The following FUT9 variants were observed in gnomAD, a reference collection of about 807,000 sequenced individuals.
The protein encoded by FUT9 is fucosyltransferase 9, also known as 4-galactosyl-N-acetylglucosaminide 3-alpha-L-fucosyltransferase 9.
FUT9 carries 15 observed loss-of-function variants against 29.7 expected under a neutral mutation model. That is an observed-to-expected ratio of 0.51 (90% confidence interval 0.34 to 0.78). The LOEUF (loss-of-function observed/expected upper bound fraction) is 0.78. Among genes scored for constraint, FUT9 ranks in the 30% least tolerant of loss-of-function variants. The pLI is 0.01. For synonymous variants in FUT9, 169 were observed against 153.7 expected (o/e 1.10, Z -0.74); for missense variants, 319 against 425.4 (o/e 0.75, Z 2.20).
rs562364264 is a variant in FUT9, at chr6:96,039,477, C to A, written c.-98+23265C>A. Among the ~76,000 whole-genome samples, 5 of 152,094 alleles carry A rather than the reference C, an allele frequency of 3.3e-5. No individual in the cohort carries two copies. The South Asian group carries it at 8.3e-4, about 25-fold the overall frequency. ...TTTGTCTTCGTTTTACACTGTGCAC[C>A]CGCTATCTCATTTTTCTTCATTCTG... On this transcript the variant is annotated intron_variant, in intron 1 of 2. Coordinates refer to ENST00000302103, the MANE Select transcript of FUT9 (RefSeq NM_006581.4).
intron 1 of FUT9, among the ~76,000 whole-genome samples, chr6:96,084,055 T>C (rs952739240): frequency 1.3e-5 from 2 of 152,096 alleles, no homozygotes; most frequent in African/African-American, 2.4e-5. Context: ...ATTGAGTAGA[T>C]ATTTAGTTGA....
chr6:96,033,109 T>G (rs1770292602), intron 1 of FUT9, among the ~76,000 whole-genome samples: 1 of 151,532 alleles, frequency 6.6e-6, no homozygotes, highest in South Asian at 2.1e-4. Context: ...GTATAATTAA[T>G]TACACCTTAT....
At chr6:96,120,393 C>T (rs1772002856) in intron 2 of FUT9, among the ~76,000 whole-genome samples, 1 of 150,204 alleles carries the variant, frequency 6.7e-6, no homozygotes. Flanking sequence ...GCCTCAGCAC[C>T]CCCAGTAGCT....
intron 1 of FUT9, among the ~76,000 whole-genome samples, chr6:96,062,632 A>C (rs1770896076): frequency 6.6e-6 from 1 of 152,176 alleles, no homozygotes; most frequent in Non-Finnish European, 1.5e-5. Context: ...GGAGGATAGG[A>C]TGGAGAGAGG....
intron 1 of FUT9, among the ~76,000 whole-genome samples, chr6:96,072,769 G>A (rs1414225801): frequency 6.6e-6 from 1 of 152,142 alleles, no homozygotes; most frequent in African/African-American, 2.4e-5. Flanking sequence ...TTTAACTGAA[G>A]TACTTTGATG....
intron 2 of FUT9, among the ~76,000 whole-genome samples, chr6:96,198,224 G>A (rs536326311): frequency 4.4e-4 from 67 of 151,410 alleles, no homozygotes; most frequent in Non-Finnish European, 8.2e-4. Flanking sequence ...CCACTAACTC[G>A]TCATCTAGCA....
At chr6:96,129,595 T>A (rs547643704) in intron 2 of FUT9, among the ~76,000 whole-genome samples, 1 of 152,104 alleles carries the variant, frequency 6.6e-6, no homozygotes, top group East Asian at 1.9e-4. Flanking sequence ...TATACAAATG[T>A]GTATAAAGTT....
chr6:96,041,096 A>G (rs773309206), intron 1 of FUT9, among the ~76,000 whole-genome samples: 4 of 150,170 alleles, frequency 2.7e-5, no homozygotes, highest in Admixed American at 2.0e-4. Context: ...GCCTTTCCCC[A>G]GTTTTTCTCT....
chr6:96,163,790 C>T (rs1772958183), intron 2 of FUT9, among the ~76,000 whole-genome samples: 1 of 152,152 alleles, frequency 6.6e-6, no homozygotes, highest in South Asian at 2.1e-4. Flanking sequence ...TCTTAAGTAG[C>T]TAGGATTACA....
In FUT9 at chr6:96,194,499, A is replaced by G. The variant is rs1464317714; in HGVS notation, c.-8-8649A>G. On this transcript the variant is annotated intron_variant, in intron 2 of 2. Coordinates refer to ENST00000302103, the MANE Select transcript of FUT9 (RefSeq NM_006581.4). ...ATTGATAGACATTTGACCTAGGGAA[A>G]TGGAGAGAAGTCTACTAATATAAGG... 3.9e-5 allele frequency among the ~76,000 whole-genome samples: 6 copies of G among 152,118 alleles called. No individual in the cohort carries two copies. The East Asian group carries it at 1.2e-3, about 29-fold the overall frequency.
intron 2 of FUT9, among the ~76,000 whole-genome samples, chr6:96,167,863 G>T (rs1007767568): frequency 1.3e-5 from 2 of 152,126 alleles, no homozygotes; most frequent in African/African-American, 2.4e-5. Context: ...ATGCTACATG[G>T]AAGCCACTGT....
chr6:96,102,200 G>A lies in FUT9; in HGVS notation c.-97-11839G>A, dbSNP rs146503793. Among the ~76,000 whole-genome samples, 483 of 151,908 alleles carry A rather than the reference G, an allele frequency of 3.2e-3. 4 individuals carry two copies. Among genetic ancestry groups the A allele is most frequent in the Non-Finnish European group, 4.7e-3 (322 of 67,946 alleles). On this transcript the variant is annotated intron_variant, in intron 1 of 2. Coordinates refer to ENST00000302103, the MANE Select transcript of FUT9 (RefSeq NM_006581.4). ...TGTTTATTTCTTAAAAATTATGTGC[G>A]CTAATGTAAATGTTCATATGTAGAT... is the stretch of plus-strand genomic sequence containing the variant.
chr6:96,169,078 A>G (rs1408091086), intron 2 of FUT9, among the ~76,000 whole-genome samples: 1 of 152,142 alleles, frequency 6.6e-6, no homozygotes, highest in Non-Finnish European at 1.5e-5. Flanking sequence ...CATGCCCAGC[A>G]ACTGGGGAAA....
intron 1 of FUT9, among the ~76,000 whole-genome samples, chr6:96,087,642 T>C (rs1196051192): frequency 6.6e-6 from 1 of 152,098 alleles, no homozygotes; most frequent in African/African-American, 2.4e-5. Context: ...TGGAATTACA[T>C]GCGTGAGCCA....
Position 96,212,340 on chromosome 6 carries a change from G to A in FUT9, c.*8105G>A, listed in dbSNP as rs1773953347. On this transcript the variant is annotated 3_prime_UTR_variant, in exon 3 of 3. Coordinates refer to ENST00000302103, the MANE Select transcript of FUT9 (RefSeq NM_006581.4). ...GTCTCCAGGGACTGTAATGAGATCA[G>A]GCTTTTCATTTACTGGTTTTCTGCC... 2.4e-6 allele frequency: 1 copy of A among 412,522 alleles called. No homozygotes were observed. The highest frequency in any genetic ancestry group is 4.4e-6 in the Non-Finnish European group (1 of 225,530). 25.6% of individuals were successfully genotyped at this position (412,522 alleles called of 1,614,324 possible). A position where few individuals can be genotyped will look rare whatever the true frequency, so the allele number is the denominator to read the frequency against.
At chr6:96,093,006 A>G (rs919759442) in intron 1 of FUT9, among the ~76,000 whole-genome samples, 3 of 152,084 alleles carry the variant, frequency 2.0e-5, no homozygotes, top group Admixed American at 6.6e-5. Flanking sequence ...GGGCTCAAGC[A>G]ATCCTCCTGC....
intron 1 of FUT9, among the ~76,000 whole-genome samples, chr6:96,104,135 G>A (rs369996830): frequency 4.6e-5 from 7 of 152,120 alleles, no homozygotes; most frequent in Non-Finnish European, 1.0e-4. Context: ...ACACTGTTAA[G>A]GGTAAGAGCA....
At chr6:96,145,136 C>A (rs958387614) in intron 2 of FUT9, among the ~76,000 whole-genome samples, 1 of 152,148 alleles carries the variant, frequency 6.6e-6, no homozygotes, top group African/African-American at 2.4e-5. Context: ...CGGCTCACTG[C>A]AAGCTCCATC....
chr6:96,059,055 C>A (rs535829216), intron 1 of FUT9, among the ~76,000 whole-genome samples: 1 of 152,030 alleles, frequency 6.6e-6, no homozygotes. Context: ...TTTTTAATAT[C>A]TTGCTATATG....
Sources: gnomAD v4.1 joint callset for allele counts (sites outside exome capture counted in the v4.1 genomes callset) on GRCh38, gnomAD v4.1.1 for gene constraint, MANE v1.5 for transcripts, NCBI Gene and HGNC (gene_info 2026-07-23, HGNC 2026-07-21) for gene names.